The following COL5A2 variants were observed in gnomAD, a reference collection of about 807,000 sequenced individuals.
COL5A2 encodes the protein collagen alpha-2(V) chain.
In COL5A2, 23 loss-of-function variants were observed where a neutral mutation model predicts 208.2. That is an observed-to-expected ratio of 0.11 (90% confidence interval 0.08 to 0.16). The LOEUF (loss-of-function observed/expected upper bound fraction) is 0.16, where lower values mean the gene tolerates loss of function less well. Ranked by LOEUF, COL5A2 falls within the 10% of genes least tolerant of loss-of-function variation. The pLI, the probability that COL5A2 is intolerant of heterozygous loss-of-function variation, is 1.00. For missense variants in COL5A2, 1,590 were observed against 1,956.4 expected, an observed-to-expected ratio of 0.81 and a Z score of 3.53; for synonymous variants, 625 against 628.5, an observed-to-expected ratio of 0.99 and a Z score of 0.08.
At chr2:189,329,936 G>A in the COL5A2 span, among the ~76,000 whole-genome samples, 46 of 151,446 alleles carry the variant, frequency 3.0e-4, no homozygotes, top group Non-Finnish European at 1.8e-4. Flanking sequence ...TGAGCGGTAA[G>A]AGAGAGGAAA....
intron 31 of COL5A2, among the ~76,000 whole-genome samples, chr2:189,060,324 C>CA (rs1352875851): frequency 6.6e-6 from 1 of 152,074 alleles, no homozygotes; most frequent in Non-Finnish European, 1.5e-5. Context: ...TTTGTAGAGG[C>CA]AAGCACACAG....
intron 47 of COL5A2, among the ~76,000 whole-genome samples, chr2:189,043,670 C>T (rs997762172): frequency 2.6e-5 from 4 of 151,960 alleles, no homozygotes; most frequent in African/African-American, 9.7e-5. Context: ...TCATACTTGC[C>T]GTGTGTAACA....
chr2:189,066,599 T>C, intron 22 of COL5A2, 102 bp from the exon 23 acceptor site: 1 of 1,367,012 alleles, frequency 7.3e-7, no homozygotes, highest in Non-Finnish European at 1.0e-6. Flanking sequence ...TTAAAGTATA[T>C]GGAACAATGA....
chr2:189,419,160 C>T, the COL5A2 span, among the ~76,000 whole-genome samples: 12 of 152,212 alleles, frequency 7.9e-5, no homozygotes, highest in African/African-American at 2.9e-4. Flanking sequence ...ATGAGATGAC[C>T]TCAATAATGT....
chr2:189,321,850 C>A, the COL5A2 span, among the ~76,000 whole-genome samples: 1 of 152,210 alleles, frequency 6.6e-6, no homozygotes, highest in African/African-American at 2.4e-5. Context: ...ACAGAACTCT[C>A]CACCACAAAT....
chr2:189,366,238 T>A, the COL5A2 span, among the ~76,000 whole-genome samples: 2 of 152,172 alleles, frequency 1.3e-5, no homozygotes, highest in African/African-American at 2.4e-5. Context: ...ATATTTTCCC[T>A]CTTTCCAATA....
chr2:189,378,861 A>T, the COL5A2 span, among the ~76,000 whole-genome samples: 3 of 152,200 alleles, frequency 2.0e-5, no homozygotes, highest in African/African-American at 7.2e-5. Context: ...GTAATTAGTA[A>T]ATTTTACCCT....
chr2:189,052,930 G>A lies in COL5A2; in HGVS notation c.2642C>T (p.Ala881Val), dbSNP rs1685821871. Reference sequence around the variant, plus strand: ...ACTTACATGAGGGCCAGGGGATCCTGCTAAACCTTGTGGTCCAGGAGAACC... The same window carrying A: ...ACTTACATGAGGGCCAGGGGATCCTACTAAACCTTGTGGTCCAGGAGAACC... The part of the protein sequence containing the change: ...DAGSPGPQGL[A>V]GSPGPHGPNG... The change falls in exon 39 of 54, where the codon GCA (alanine) becomes GTA (valine). Residue 881 changes from alanine (A) to valine (V), a missense_variant. Coordinates refer to ENST00000374866, the MANE Select transcript of COL5A2 (RefSeq NM_000393.5). 4 of 1,614,100 alleles carry A rather than the reference G, an allele frequency of 2.5e-6. No homozygotes were observed. The highest frequency in any genetic ancestry group is 3.4e-6 in the Non-Finnish European group (4 of 1,179,992).
At chr2:189,296,279 GTTTT>G in the COL5A2 span, among the ~76,000 whole-genome samples, 1 of 151,926 alleles carries the variant, frequency 6.6e-6, no homozygotes. Flanking sequence ...ACTTCTGTTG[GTTTT>G]TTGTTTGTTT....
the COL5A2 span, among the ~76,000 whole-genome samples, chr2:189,415,792 T>C: frequency 6.6e-6 from 1 of 152,156 alleles, no homozygotes; most frequent in African/African-American, 2.4e-5. Flanking sequence ...CCCAAGTAGC[T>C]AGGGCTACAG....
the COL5A2 span, among the ~76,000 whole-genome samples, chr2:189,380,990 G>A: frequency 2.0e-5 from 3 of 151,952 alleles, no homozygotes; most frequent in Admixed American, 2.0e-4. Flanking sequence ...AAAAAGACTG[G>A]TAGAGAAAAT....
At chr2:189,079,017 G>C in intron 15 of COL5A2, 46 bp downstream of exon 15, 1 of 1,474,986 alleles carries the variant, frequency 6.8e-7, no homozygotes, top group Non-Finnish European at 9.5e-7. Flanking sequence ...AAAAGGCAAG[G>C]AAATATAACC....
intron 51 of COL5A2, among the ~76,000 whole-genome samples, chr2:189,038,123 C>A (rs374957695): frequency 6.7e-6 from 1 of 150,134 alleles, no homozygotes; most frequent in Non-Finnish European, 1.5e-5. Flanking sequence ...GGGTACAGAT[C>A]CTGTCACCCA....
the COL5A2 span, among the ~76,000 whole-genome samples, chr2:189,362,952 G>A: frequency 3.3e-5 from 5 of 151,978 alleles, no homozygotes; most frequent in African/African-American, 1.2e-4. Flanking sequence ...TCAGCTATAT[G>A]CTAGTAAATT....
At chr2:189,089,381 T>G (rs1686733366) in intron 7 of COL5A2, among the ~76,000 whole-genome samples, 2 of 152,228 alleles carry the variant, frequency 1.3e-5, no homozygotes, top group South Asian at 4.1e-4. Flanking sequence ...ACCAAAATTG[T>G]TCATATACAT....
At chr2:189,373,629 A>T in the COL5A2 span, among the ~76,000 whole-genome samples, 2 of 152,190 alleles carry the variant, frequency 1.3e-5, no homozygotes, top group Admixed American at 6.5e-5. Context: ...AGCTGTAAAT[A>T]ATCAGACTCT....
chr2:189,039,156 T>C, intron 51 of COL5A2, 116 bp downstream of exon 51: 2 of 1,284,816 alleles, frequency 1.6e-6, no homozygotes, highest in Admixed American at 1.7e-5. Flanking sequence ...ATATGTTTAC[T>C]ATTTTTATCT....
At chr2:189,045,745 T>A in intron 46 of COL5A2, 55 bp downstream of exon 46, 1 of 1,357,982 alleles carries the variant, frequency 7.4e-7, no homozygotes, top group Non-Finnish European at 1.1e-6. Context: ...ATGCAGCTTA[T>A]AACATAGCAT....
At chr2:189,044,733 A>C (rs2153507215) in intron 47 of COL5A2, among the ~76,000 whole-genome samples, 1 of 152,310 alleles carries the variant, frequency 6.6e-6, no homozygotes, top group Admixed American at 6.5e-5. Flanking sequence ...TCTATATAAT[A>C]ATGTTAACCT....
Sources: gnomAD v4.1 joint callset for allele counts (sites outside exome capture counted in the v4.1 genomes callset) on GRCh38, gnomAD v4.1.1 for gene constraint, MANE v1.5 for transcripts, NCBI Gene and HGNC (gene_info 2026-07-23, HGNC 2026-07-21) for gene names.